The following UNC5B variants were observed in gnomAD, a reference collection of about 807,000 sequenced individuals.
UNC5B encodes the protein unc-5 netrin receptor B, also known as netrin receptor UNC5B.
Under a neutral mutation model 103.7 loss-of-function variants are expected in UNC5B, and 56 were observed. That is an observed-to-expected ratio of 0.54 (90% CI 0.44 to 0.67). The LOEUF is 0.67. Ranked by LOEUF, UNC5B falls within the 30% of genes least tolerant of loss-of-function variation. The pLI, the probability that UNC5B is intolerant of heterozygous loss-of-function variation, is 0.00. For missense variants in UNC5B, 1,194 were observed against 1,284.5 expected (o/e 0.93, Z 1.08); for synonymous variants, 577 against 542.0 (o/e 1.06, Z -0.90).
At chr10:71,245,365 C>T (rs2132263735) in intron 1 of UNC5B, among the ~76,000 whole-genome samples, 1 of 152,284 alleles carries the variant, frequency 6.6e-6, no homozygotes, top group South Asian at 2.1e-4. Context: ...TTACCGTGAG[C>T]CTAGCTCTGT....
At chr10:71,243,166 C>T (rs1289566657) in intron 1 of UNC5B, among the ~76,000 whole-genome samples, 3 of 152,058 alleles carry the variant, frequency 2.0e-5, no homozygotes, top group Non-Finnish European at 4.4e-5. Context: ...ACCCAGGAGG[C>T]GGAGGTTGCA....
intron 1 of UNC5B, among the ~76,000 whole-genome samples, chr10:71,251,396 A>G (rs931183998): frequency 2.6e-5 from 4 of 152,206 alleles, no homozygotes; most frequent in Non-Finnish European, 4.4e-5. Context: ...TAGGTACAAT[A>G]GAAACGCTGT....
intron 1 of UNC5B, among the ~76,000 whole-genome samples, chr10:71,219,427 C>T (rs796336637): frequency 3.9e-5 from 6 of 152,304 alleles, no homozygotes; most frequent in African/African-American, 1.4e-4. Flanking sequence ...GGGCAGAAAG[C>T]ATCCAGCACG....
chr10:71,238,142 G>T (rs143894198), intron 1 of UNC5B, among the ~76,000 whole-genome samples: 28 of 152,234 alleles, frequency 1.8e-4, no homozygotes, highest in Admixed American at 1.2e-3. Context: ...AGAGGTGCTG[G>T]GAGCCCCCCT....
chr10:71,247,901 C>T (rs1844075771), intron 1 of UNC5B, among the ~76,000 whole-genome samples: 1 of 152,162 alleles, frequency 6.6e-6, no homozygotes, highest in Non-Finnish European at 1.5e-5. Context: ...CTGGAAAACC[C>T]TCTCAAGGCC....
In UNC5B at chr10:71,297,893, GC is replaced by G. The variant is rs775725323; in HGVS notation, c.2491-11del. On this transcript the variant is annotated splice_polypyrimidine_tract_variant and intron_variant, in intron 15 of 16. Coordinates refer to ENST00000335350, the MANE Select transcript of UNC5B (RefSeq NM_170744.5). ...CAGCACTGTGCCCCTCTCACTCTTG[GC>G]CCCCACCCTTGCAGACACCTGCTGG... The G allele has an allele frequency of 5.6e-6, 9 of 1,604,916 alleles. No individual in the cohort carries two copies. Among genetic ancestry groups the G allele is most frequent in the Admixed American group, 1.7e-5 (1 of 59,528 alleles).
chr10:71,216,345 G>A (rs1843329059), intron 1 of UNC5B, among the ~76,000 whole-genome samples: 1 of 152,198 alleles, frequency 6.6e-6, no homozygotes, highest in African/African-American at 2.4e-5. Flanking sequence ...ATGGCAGGAT[G>A]GAGGAAAGAG....
intron 7 of UNC5B, 54 bp downstream of exon 7, chr10:71,288,786 G>A: frequency 6.4e-7 from 1 of 1,555,238 alleles, no homozygotes; most frequent in Non-Finnish European, 8.7e-7. Flanking sequence ...AGCCATGTAA[G>A]GGTCCCCCAA....
At chr10:71,278,870 A>C (rs1402400527) in intron 1 of UNC5B, among the ~76,000 whole-genome samples, 1 of 152,224 alleles carries the variant, frequency 6.6e-6, no homozygotes, top group East Asian at 1.9e-4. Context: ...ATCATTTGGC[A>C]TTTGGCACTG....
chr10:71,296,263 C>T (rs1171024848), intron 14 of UNC5B, among the ~76,000 whole-genome samples: 4 of 152,220 alleles, frequency 2.6e-5, no homozygotes, highest in African/African-American at 7.2e-5. Context: ...GCCCTCCTGG[C>T]AGACTGCCCA....
At chr10:71,272,877 CTGTTTGTT>C (rs112300355) in intron 1 of UNC5B, among the ~76,000 whole-genome samples, 23 of 150,570 alleles carry the variant, frequency 1.5e-4, no homozygotes, top group East Asian at 9.9e-4. Context: ...CATGCACTGC[CTGTTTGTT>C]TGTTTGTTTG....
rs1294772486 is a variant in UNC5B, at chr10:71,284,781, G to C, written c.366G>C (p.Gly122=). The change falls in exon 3 of 17, where the codon GGG becomes GGC. Residue 122 remains glycine (G), a synonymous_variant. Transcript: ENST00000335350. The part of the protein sequence containing the change: ...VSRQQVEELF[G]LEDYWCQCVA... ...GGCAGCAGGTGGAGGAGCTCTTTGG[G>C]CTGGAGGATTACTGGTGCCAGTGCG... The C allele has an allele frequency of 5.6e-6, 9 of 1,613,832 alleles. No homozygotes were observed. The highest frequency in any genetic ancestry group is 7.6e-6 in the Non-Finnish European group (9 of 1,179,978).
At chr10:71,239,070 G>C (rs187322646) in intron 1 of UNC5B, among the ~76,000 whole-genome samples, 13 of 152,180 alleles carry the variant, frequency 8.5e-5, no homozygotes, top group African/African-American at 2.9e-4. Flanking sequence ...AGAGAGGGTG[G>C]GTTCAGATTT....
intron 1 of UNC5B, among the ~76,000 whole-genome samples, chr10:71,261,101 C>T (rs1395955436): frequency 6.6e-6 from 1 of 152,220 alleles, no homozygotes; most frequent in East Asian, 1.9e-4. Context: ...CAGGGCTGCA[C>T]CGAGGGTGGC....
chr10:71,251,749 A>G (rs1021820447), intron 1 of UNC5B, among the ~76,000 whole-genome samples: 1 of 152,236 alleles, frequency 6.6e-6, no homozygotes, highest in Admixed American at 6.5e-5. Context: ...ATGAACCAAG[A>G]TAATTCCTCT....
At chr10:71,261,419 A>T (rs1415932926) in intron 1 of UNC5B, among the ~76,000 whole-genome samples, 1 of 152,040 alleles carries the variant, frequency 6.6e-6, no homozygotes, top group Non-Finnish European at 1.5e-5. Context: ...GCCCTTGCAC[A>T]CTCTAATATC....
chr10:71,216,154 G>T (rs919504871), intron 1 of UNC5B, among the ~76,000 whole-genome samples: 1 of 152,150 alleles, frequency 6.6e-6, no homozygotes, highest in African/African-American at 2.4e-5. Context: ...GGACTCACCG[G>T]TAGCGCCAGG....
At chr10:71,298,135 C>T (rs770940707) in intron 16 of UNC5B, 45 bp downstream of exon 16, 1 of 1,543,366 alleles carries the variant, frequency 6.5e-7, no homozygotes, top group Admixed American at 1.8e-5. Context: ...CCTTCGTCCT[C>T]AAGGTCTCAC....
At chr10:71,219,718 G>A (rs531308505) in intron 1 of UNC5B, among the ~76,000 whole-genome samples, 9 of 152,188 alleles carry the variant, frequency 5.9e-5, no homozygotes, top group Non-Finnish European at 1.2e-4. Context: ...CACAGCCCTC[G>A]AGGAGGTGCT....
Sources: gnomAD v4.1 joint callset for allele counts (sites outside exome capture counted in the v4.1 genomes callset) on GRCh38, gnomAD v4.1.1 for gene constraint, MANE v1.5 for transcripts, NCBI Gene and HGNC (gene_info 2026-07-23, HGNC 2026-07-21) for gene names.